The following OTUD7A variants were observed in gnomAD, a reference collection of about 807,000 sequenced individuals.
OTUD7A encodes the protein OTU deubiquitinase 7A.
OTUD7A carries 12 observed loss-of-function variants against 65.7 expected under a neutral mutation model. The observed-to-expected ratio is 0.18, with a 90% CI of 0.12 to 0.30. OTUD7A has a LOEUF of 0.30. Ranked by LOEUF, OTUD7A falls within the 10% of genes least tolerant of loss-of-function variation. OTUD7A has a pLI of 1.00. For missense variants in OTUD7A, 1,148 were observed against 1,304.8 expected (o/e 0.88, Z 1.85); for synonymous variants, 641 against 586.3 (o/e 1.09, Z -1.35).
chr15:31,862,445 G>A (rs1335870315), intron 1 of OTUD7A, among the ~76,000 whole-genome samples: 2 of 152,168 alleles, frequency 1.3e-5, no homozygotes, highest in Non-Finnish European at 2.9e-5. Flanking sequence ...CCGAAACTGG[G>A]AACAAAAGGA....
intron 8 of OTUD7A, among the ~76,000 whole-genome samples, chr15:31,504,674 G>A (rs2041531705): frequency 6.6e-6 from 1 of 152,216 alleles, no homozygotes; most frequent in Admixed American, 6.5e-5. Flanking sequence ...AGTGTTTGAG[G>A]AATGCTCAGA....
intron 3 of OTUD7A, among the ~76,000 whole-genome samples, chr15:31,605,028 C>A (rs1430857201): frequency 1.3e-5 from 2 of 152,208 alleles, no homozygotes; most frequent in African/African-American, 4.8e-5. Flanking sequence ...TGCAGTGTGG[C>A]TAGGACGCAT....
At chr15:31,642,300 G>T (rs1262086178) in intron 3 of OTUD7A, among the ~76,000 whole-genome samples, 1 of 152,126 alleles carries the variant, frequency 6.6e-6, no homozygotes, top group Admixed American at 6.5e-5. Context: ...TTTATATGCT[G>T]CCAAATTCGA....
At chr15:31,601,469 G>T (rs1890072389) in intron 3 of OTUD7A, among the ~76,000 whole-genome samples, 1 of 152,120 alleles carries the variant, frequency 6.6e-6, no homozygotes, top group Non-Finnish European at 1.5e-5. Flanking sequence ...GTGTGTAGAG[G>T]GAAATTTATA....
At chr15:31,778,228 G>A (rs2140922480) in intron 1 of OTUD7A, among the ~76,000 whole-genome samples, 1 of 152,304 alleles carries the variant, frequency 6.6e-6, no homozygotes, top group African/African-American at 2.4e-5. Context: ...AGGCTGTTCT[G>A]CAGGAATTCC....
At position 31,482,956 on chromosome 15, in the gene OTUD7A, A is replaced by C. The variant is rs1595546868; in HGVS notation, c.*338T>G. 1.3e-5 allele frequency: 2 copies of C among 153,388 alleles called. No homozygotes were observed. Among genetic ancestry groups the C allele is most frequent in the South Asian group, 4.1e-4 (2 of 4,840 alleles). 9.5% of individuals were successfully genotyped at this position (153,388 alleles called of 1,614,324 possible). Reference sequence around the variant, plus strand: ...AAAAAGCAAAAAAAGCATGTAAAACACTCCCTTCTTAAAACAAAGGGCTGC... The same window carrying C: ...AAAAAGCAAAAAAAGCATGTAAAACCCTCCCTTCTTAAAACAAAGGGCTGC... On this transcript the variant is annotated 3_prime_UTR_variant, in exon 13 of 13. Coordinates refer to ENST00000307050, the MANE Select transcript of OTUD7A (RefSeq NM_001382637.1).
At chr15:31,750,403 CAAAA>C (rs3080850) in intron 1 of OTUD7A, among the ~76,000 whole-genome samples, 2 of 88,324 alleles carry the variant, frequency 2.3e-5, no homozygotes, top group Non-Finnish European at 4.2e-5. Flanking sequence ...GAATCTGACT[CAAAA>C]AAAAAAAAAA....
chr15:31,716,930 G>A (rs1444310472), intron 1 of OTUD7A, among the ~76,000 whole-genome samples: 1 of 152,082 alleles, frequency 6.6e-6, no homozygotes, highest in African/African-American at 2.4e-5. Flanking sequence ...CTTTAACTCT[G>A]CCTACTTTAT....
chr15:31,484,661 C>A lies in OTUD7A; in HGVS notation c.1435G>T (p.Asp479Tyr). The change falls in exon 13 of 13, where the codon GAC (aspartate) becomes TAC (tyrosine). Residue 479 changes from aspartate to tyrosine, a missense_variant. Asp to Tyr is a radical substitution (Grantham distance 160, BLOSUM62 -3). Around this residue, in one of 6 missense-constraint regions of OTUD7A, gnomAD observed 842 missense variants for 769.5 expected, o/e 1.09. Transcript: ENST00000307050. This position sits in a 1 kb window ranked among gnomAD's most constrained non-coding sequence, Gnocchi z 4.5. ...GAATCGCGGTCCGAGTCCAGCGAGT[C>A]GGCCAGGGACTGCACGTCCTCCCCT... ...SAGEDVQSLA[D>Y]SLDSDRDSVC... is the part of the protein sequence containing the mutation. 1.3e-6 allele frequency: 2 copies of A among 1,582,256 alleles called. No homozygotes were observed. The highest frequency in any genetic ancestry group is 1.7e-6 in the Non-Finnish European group (2 of 1,166,992).
At chr15:31,647,320 C>T (rs1307973423) in intron 3 of OTUD7A, among the ~76,000 whole-genome samples, 3 of 152,202 alleles carry the variant, frequency 2.0e-5, no homozygotes, top group East Asian at 1.9e-4. Flanking sequence ...ACGCCAGAGC[C>T]GTGAATTCTG....
At position 31,735,094 on chromosome 15, in the gene OTUD7A, A is replaced by T. The variant is rs111445293; in HGVS notation, c.-99-78017T>A. Among the ~76,000 whole-genome samples, 1,158 of 152,328 alleles carry T rather than the reference A, an allele frequency of 7.6e-3. 16 individuals are homozygous for T. The highest frequency in any genetic ancestry group is 0.026 in the African/African-American group (1,099 of 41,564). On this transcript the variant is annotated intron_variant, in intron 1 of 12. Transcript: ENST00000307050. The stretch of plus-strand genomic sequence containing the variant: ...AAAAGTGGGCAAAGGACATGAACAG[A>T]CACTTCTCAAAAGAAGACATACATG...
chr15:31,740,547 G>A (rs1894314757), intron 1 of OTUD7A, among the ~76,000 whole-genome samples: 1 of 152,094 alleles, frequency 6.6e-6, no homozygotes, highest in Admixed American at 6.5e-5. Context: ...TGCCGTGGGG[G>A]TGAGACAAAG....
intron 5 of OTUD7A, 58 bp downstream of exon 5, chr15:31,558,911 G>T (rs750730390): frequency 1.3e-6 from 2 of 1,568,568 alleles, no homozygotes; most frequent in South Asian, 2.3e-5. Flanking sequence ...AGTAGGTTAG[G>T]CCAGCTCACC....
chr15:31,670,584 G>C (rs1423525231), intron 1 of OTUD7A, among the ~76,000 whole-genome samples: 6 of 152,154 alleles, frequency 3.9e-5, no homozygotes, highest in Non-Finnish European at 8.8e-5. Context: ...GTCTTCTTTT[G>C]AGAAGTGTCT....
intron 3 of OTUD7A, among the ~76,000 whole-genome samples, chr15:31,632,447 G>T (rs1011739033): frequency 6.6e-6 from 1 of 152,240 alleles, no homozygotes; most frequent in Non-Finnish European, 1.5e-5. Flanking sequence ...AGATCTTGGT[G>T]AACCACAGAT....
At chr15:31,643,295 C>G (rs1891571237) in intron 3 of OTUD7A, among the ~76,000 whole-genome samples, 1 of 152,190 alleles carries the variant, frequency 6.6e-6, no homozygotes. Context: ...TTCACTGATG[C>G]CTTTAATATT....
intron 1 of OTUD7A, among the ~76,000 whole-genome samples, chr15:31,765,510 C>T (rs1401299287): frequency 1.3e-5 from 2 of 152,080 alleles, no homozygotes; most frequent in East Asian, 1.9e-4. Context: ...ATCATGATAG[C>T]CTTACTGGAT....
At chr15:31,681,310 T>TCCATCCATCCAC (rs1566972644) in intron 1 of OTUD7A, among the ~76,000 whole-genome samples, 2 of 151,534 alleles carry the variant, frequency 1.3e-5, no homozygotes, top group African/African-American at 4.9e-5. Flanking sequence ...CATCCATCCA[T>TCCATCCATCCAC]CCATGCACCC....
At chr15:31,568,140 T>C (rs1312562434) in intron 4 of OTUD7A, among the ~76,000 whole-genome samples, 1 of 152,214 alleles carries the variant, frequency 6.6e-6, no homozygotes, top group African/African-American at 2.4e-5. Flanking sequence ...GAATGGTAGA[T>C]CTACCAGTGG....
Sources: gnomAD v4.1 joint callset for allele counts (sites outside exome capture counted in the v4.1 genomes callset) on GRCh38, gnomAD v4.1.1 for gene constraint, gnomAD v4.1.1 regional missense constraint, Gnocchi (gnomAD v3.1) non-coding constraint, MANE v1.5 for transcripts, NCBI Gene and HGNC (gene_info 2026-07-23, HGNC 2026-07-21) for gene names.